The following WWOX variants were observed in gnomAD, a reference collection of about 807,000 sequenced individuals.
The protein encoded by WWOX is WW domain containing oxidoreductase, also known as WW domain-containing oxidoreductase.
Under a neutral mutation model 46.2 loss-of-function variants are expected in WWOX, and 69 were observed. That is an observed-to-expected ratio of 1.49 (90% CI 1.23 to 1.82). The LOEUF (loss-of-function observed/expected upper bound fraction) is 1.82. WWOX is among the 40% of genes most tolerant of loss of function. WWOX has a pLI of 0.00. For synonymous variants in WWOX, 359 were observed against 202.6 expected, an observed-to-expected ratio of 1.77 and a Z score of -6.56; for missense variants, 919 against 542.6, an observed-to-expected ratio of 1.69 and a Z score of -6.89.
At chr16:79,037,320 A>T (rs1005803277) in intron 8 of WWOX, among the ~76,000 whole-genome samples, 13 of 152,152 alleles carry the variant, frequency 8.5e-5, no homozygotes, top group African/African-American at 2.9e-4. Context: ...TGAAACCAGA[A>T]TGGTTTTGAT....
chr16:78,361,408 G>C (rs1367146227), intron 5 of WWOX, among the ~76,000 whole-genome samples: 1 of 152,070 alleles, frequency 6.6e-6, no homozygotes, highest in Non-Finnish European at 1.5e-5. Flanking sequence ...ATAATTATTT[G>C]AAGGGAGATG....
At chr16:78,642,026 C>A (rs533936287) in intron 8 of WWOX, among the ~76,000 whole-genome samples, 3 of 152,134 alleles carry the variant, frequency 2.0e-5, no homozygotes, top group Non-Finnish European at 4.4e-5. Flanking sequence ...AAAACAGCAA[C>A]GAGTTTATTG....
chr16:78,351,654 A>AT, intron 5 of WWOX, among the ~76,000 whole-genome samples: 1 of 152,142 alleles, frequency 6.6e-6, no homozygotes, highest in South Asian at 2.1e-4. Context: ...GTGGCTATGC[A>AT]TGTGTTTTTT....
At chr16:78,525,996 C>G (rs2043456287) in intron 8 of WWOX, 1 of 152,218 alleles carries the variant, frequency 6.6e-6, no homozygotes, top group African/African-American at 2.4e-5. Flanking sequence ...ATCATCCTAT[C>G]TGCTTCTGAC....
chr16:78,792,582 A>G (rs1048982247), intron 8 of WWOX, among the ~76,000 whole-genome samples: 5 of 152,108 alleles, frequency 3.3e-5, no homozygotes, highest in South Asian at 2.1e-4. Context: ...GTCACATCAC[A>G]CTGGCTTGGA....
chr16:78,501,745 C>T (rs2085074989), intron 8 of WWOX, among the ~76,000 whole-genome samples: 1 of 152,086 alleles, frequency 6.6e-6, no homozygotes, highest in Non-Finnish European at 1.5e-5. Context: ...CCATGTTGGC[C>T]AGGCTGGTCT....
intron 8 of WWOX, among the ~76,000 whole-genome samples, chr16:78,490,813 C>T (rs2137096): frequency 0.75 from 114,154 of 152,108 alleles, 44,907 homozygotes; most frequent in Admixed American, 0.87. Context: ...GCAGAGCAGT[C>T]CGTTACTTAG....
At chr16:78,707,520 G>C (rs1275986503) in intron 8 of WWOX, among the ~76,000 whole-genome samples, 2 of 152,134 alleles carry the variant, frequency 1.3e-5, no homozygotes, top group Non-Finnish European at 2.9e-5. Flanking sequence ...GTGCATCTGA[G>C]CTCTCTCTTG....
chr16:78,765,793 G>C (rs1416560405), intron 8 of WWOX, among the ~76,000 whole-genome samples: 1 of 152,212 alleles, frequency 6.6e-6, no homozygotes, highest in Non-Finnish European at 1.5e-5. Flanking sequence ...CACAACCTCT[G>C]TCAGAGAACT....
intron 8 of WWOX, among the ~76,000 whole-genome samples, chr16:78,561,458 C>G (rs544451873): frequency 1.3e-5 from 2 of 152,298 alleles, no homozygotes; most frequent in African/African-American, 4.8e-5. Flanking sequence ...TTAATTAACA[C>G]TGGCAAAATC....
At chr16:78,953,628 T>A (rs1189564869) in intron 8 of WWOX, among the ~76,000 whole-genome samples, 2 of 152,136 alleles carry the variant, frequency 1.3e-5, no homozygotes, top group African/African-American at 4.8e-5. Flanking sequence ...GCCCAGTGGG[T>A]ACCGTACTTC....
intron 8 of WWOX, among the ~76,000 whole-genome samples, chr16:78,893,967 T>G (rs956300930): frequency 6.6e-6 from 1 of 151,864 alleles, no homozygotes; most frequent in African/African-American, 2.4e-5. Context: ...CTGTGATGTA[T>G]TTGAGTACCA....
At chr16:78,913,377 G>C (rs112166008) in intron 8 of WWOX, among the ~76,000 whole-genome samples, 1 of 151,918 alleles carries the variant, frequency 6.6e-6, no homozygotes, top group Non-Finnish European at 1.5e-5. Context: ...CCAATGGACT[G>C]TTGGAAGACG....
chr16:78,438,461 T>TC (rs933740481), intron 8 of WWOX, among the ~76,000 whole-genome samples: 4 of 151,012 alleles, frequency 2.6e-5, no homozygotes, highest in African/African-American at 9.7e-5. Context: ...AACCCCACCT[T>TC]TTTTTTTTCC....
At chr16:78,747,622 C>G (rs2049379255) in intron 8 of WWOX, among the ~76,000 whole-genome samples, 3 of 152,106 alleles carry the variant, frequency 2.0e-5, no homozygotes, top group African/African-American at 7.2e-5. Flanking sequence ...AATTCAAACC[C>G]TGCCTCTCCT....
chr16:79,139,071 A>C (rs1035426260), intron 8 of WWOX, among the ~76,000 whole-genome samples: 4 of 152,198 alleles, frequency 2.6e-5, no homozygotes, highest in African/African-American at 4.8e-5. Context: ...CAGCGTTCAC[A>C]CATGGTTCCG....
chr16:78,444,446 C>T (rs1432795754), intron 8 of WWOX, among the ~76,000 whole-genome samples: 1 of 151,830 alleles, frequency 6.6e-6, no homozygotes, highest in African/African-American at 2.4e-5. Flanking sequence ...TGGATGAAAA[C>T]TGAACCTACC....
intron 8 of WWOX, among the ~76,000 whole-genome samples, chr16:79,037,819 T>A (rs1030175045): frequency 6.6e-6 from 1 of 152,128 alleles, no homozygotes; most frequent in Non-Finnish European, 1.5e-5. Context: ...AGGAGATCTT[T>A]CTGCCAGAGG....
At chr16:79,015,108 A>G (rs568535533) in intron 8 of WWOX, among the ~76,000 whole-genome samples, 2 of 152,242 alleles carry the variant, frequency 1.3e-5, no homozygotes, top group Middle Eastern at 3.4e-3. Flanking sequence ...GGGCCACAGG[A>G]CACTACTGTG....
Sources: gnomAD v4.1 joint callset for allele counts (sites outside exome capture counted in the v4.1 genomes callset) on GRCh38, gnomAD v4.1.1 for gene constraint, MANE v1.5 for transcripts, NCBI Gene and HGNC (gene_info 2026-07-23, HGNC 2026-07-21) for gene names.